KLF8: variants seen among roughly 807,000 people sequenced by gnomAD.
KLF8 encodes the protein KLF transcription factor 8.
Under a neutral mutation model 18.2 loss-of-function variants are expected in KLF8, and 10 were observed. The ratio of observed to expected loss-of-function variants is 0.55; its 90% confidence interval spans 0.34 to 0.93. The LOEUF (loss-of-function observed/expected upper bound fraction) is 0.93, where lower values mean the gene tolerates loss of function less well. Ranked by LOEUF, KLF8 falls within the 40% of genes least tolerant of loss-of-function variation. KLF8 has a pLI of 0.02. For missense variants in KLF8, 264 were observed against 277.9 expected (o/e 0.95, Z 0.36); for synonymous variants, 109 against 97.3 (o/e 1.12, Z -0.71).
At chrX:56,189,252 C>CA in the KLF8 span, among the ~76,000 whole-genome samples, 1 of 111,665 alleles carries the variant, frequency 9.0e-6, no homozygotes, top group Non-Finnish European at 1.9e-5. Flanking sequence ...TTTATGCAGC[C>CA]AAAAAACACA....
chrX:56,223,889 T>G, the KLF8 span, among the ~76,000 whole-genome samples: 3 of 111,833 alleles, frequency 2.7e-5, no homozygotes, highest in Non-Finnish European at 5.6e-5. Context: ...TAGATCACAT[T>G]AAGAGATTTT....
chrX:56,179,419 C>A, the KLF8 span, among the ~76,000 whole-genome samples: 1 of 112,244 alleles, frequency 8.9e-6, no homozygotes, highest in African/African-American at 3.2e-5. Flanking sequence ...TCTAAATATG[C>A]AATCATGTCA....
At chrX:56,026,415 G>A in the KLF8 span, among the ~76,000 whole-genome samples, 5 of 111,756 alleles carry the variant, frequency 4.5e-5, no homozygotes, top group Non-Finnish European at 7.5e-5. Context: ...GGGAGTACCC[G>A]GAAGTCCTCG....
the KLF8 span, among the ~76,000 whole-genome samples, chrX:56,086,909 A>G: frequency 1.8e-5 from 2 of 111,744 alleles, no homozygotes; most frequent in South Asian, 7.5e-4. Flanking sequence ...GTTATACACT[A>G]AGCACCAAAG....
chrX:56,199,747 T>C, the KLF8 span, among the ~76,000 whole-genome samples: 4 of 111,649 alleles, frequency 3.6e-5, no homozygotes, highest in Admixed American at 9.6e-5. Context: ...ACCCAAAGGA[T>C]TATAAATCAT....
the KLF8 span, among the ~76,000 whole-genome samples, chrX:56,174,290 G>C: frequency 3.6e-5 from 4 of 112,007 alleles, no homozygotes; most frequent in African/African-American, 9.7e-5. Flanking sequence ...AAATTATTGA[G>C]AGTTTTTAGC....
At chrX:56,093,022 A>C in the KLF8 span, among the ~76,000 whole-genome samples, 3 of 110,851 alleles carry the variant, frequency 2.7e-5, no homozygotes, top group Non-Finnish European at 5.7e-5. Context: ...AATGAAAAAA[A>C]AAAAACAGAA....
chrX:56,207,882 T>C, the KLF8 span, among the ~76,000 whole-genome samples: 1 of 110,699 alleles, frequency 9.0e-6, no homozygotes, highest in African/African-American at 3.3e-5. Flanking sequence ...ACTGGGTAAT[T>C]TATAAAGAAA....
chrX:56,084,947 A>G, the KLF8 span, among the ~76,000 whole-genome samples: 2 of 112,184 alleles, frequency 1.8e-5, no homozygotes, highest in South Asian at 7.4e-4. Context: ...CCAATCAAGG[A>G]CTGAACAAAA....
chrX:56,173,113 A>G, the KLF8 span, among the ~76,000 whole-genome samples: 2 of 111,538 alleles, frequency 1.8e-5, no homozygotes, highest in African/African-American at 6.5e-5. Flanking sequence ...ATTAGATCCC[A>G]TTTGTCAATT....
chrX:56,239,517 G>A (rs964214312), intron 1 of KLF8, among the ~76,000 whole-genome samples: 1 of 112,072 alleles, frequency 8.9e-6, no homozygotes. Context: ...CAAATTTACT[G>A]AGGATAGAGG....
At chrX:56,002,530 G>T in the KLF8 span, among the ~76,000 whole-genome samples, 1 of 110,513 alleles carries the variant, frequency 9.0e-6, no homozygotes, top group African/African-American at 3.3e-5. Flanking sequence ...ATTCATTGAA[G>T]TATCCAACAT....
chrX:56,162,091 G>A, the KLF8 span, among the ~76,000 whole-genome samples: 1 of 111,818 alleles, frequency 8.9e-6, no homozygotes, highest in South Asian at 3.8e-4. Flanking sequence ...AGTTAATACT[G>A]GTGAGCAGCA....
chrX:55,931,081 C>A, the KLF8 span, among the ~76,000 whole-genome samples: 7 of 111,753 alleles, frequency 6.3e-5, no homozygotes, highest in African/African-American at 2.3e-4. Flanking sequence ...TTGGTCCATT[C>A]AGGGATTCTA....
At chrX:56,171,224 TAGAC>T in the KLF8 span, among the ~76,000 whole-genome samples, 5 of 111,577 alleles carry the variant, frequency 4.5e-5, no homozygotes, top group Non-Finnish European at 9.4e-5. Flanking sequence ...TTTCAAGACA[TAGAC>T]AGTACAAAAA....
the KLF8 span, among the ~76,000 whole-genome samples, chrX:55,978,499 G>A: frequency 9.0e-6 from 1 of 111,704 alleles, no homozygotes; most frequent in African/African-American, 3.3e-5. Context: ...TTTTGTTATT[G>A]AAAAGTATAG....
chrX:56,123,303 A>AAGAAAGAAAG, the KLF8 span, among the ~76,000 whole-genome samples: 1 of 74,574 alleles, frequency 1.3e-5, no homozygotes, highest in African/African-American at 4.8e-5. Flanking sequence ...AAGAAAGAGA[A>AAGAAAGAAAG]AGAAAGAAAG....
chrX:56,013,973 T>C, the KLF8 span, among the ~76,000 whole-genome samples: 4 of 111,749 alleles, frequency 3.6e-5, no homozygotes, highest in East Asian at 1.1e-3. Flanking sequence ...ACACTTTATA[T>C]AATAACTAAC....
chrX:56,073,998 T>A, the KLF8 span, among the ~76,000 whole-genome samples: 1 of 111,982 alleles, frequency 8.9e-6, no homozygotes, highest in Non-Finnish European at 1.9e-5. Context: ...TTTGCCCACC[T>A]TGGCCTCCCA....
Sources: allele counts gnomAD v4.1 joint callset (sites outside exome capture counted in the v4.1 genomes callset), GRCh38; gene constraint gnomAD v4.1.1; transcripts MANE v1.5; gene names NCBI Gene and HGNC (gene_info 2026-07-23, HGNC 2026-07-21).